Variants in DPP10 observed in about 807,000 individuals in gnomAD.
DPP10 encodes inactive dipeptidyl peptidase 10.
In DPP10, 33 loss-of-function variants were observed where a neutral mutation model predicts 120.9. The observed-to-expected ratio is 0.27, with a 90% CI of 0.21 to 0.37. DPP10 has a LOEUF of 0.37. Among genes scored for constraint, DPP10 ranks in the 10% least tolerant of loss-of-function variants. DPP10 has a pLI of 1.00. For synonymous variants in DPP10, 337 were observed against 326.1 expected (o/e 1.03, Z -0.36); for missense variants, 816 against 942.8 (o/e 0.87, Z 1.76).
intron 1 of DPP10, among the ~76,000 whole-genome samples, chr2:115,156,739 C>T (rs1377793138): frequency 6.6e-6 from 1 of 152,050 alleles, no homozygotes; most frequent in African/African-American, 2.4e-5. Flanking sequence ...CGAGAAATAC[C>T]AGATTCAAAG....
At position 115,441,817 on chromosome 2, in the gene DPP10, CTT is replaced by C. The variant is rs561102084; in HGVS notation, c.272-57675_272-57674del. 1.1e-3 allele frequency among the ~76,000 whole-genome samples: 133 copies of C among 124,452 alleles called. 1 individual carries two copies. Among genetic ancestry groups the C allele is most frequent in the African/African-American group, 3.3e-3 (104 of 31,620 alleles). The allele number at this position is 124,452 out of a possible 152,430, so 81.6% of individuals were successfully genotyped here. On this transcript the variant is annotated intron_variant, in intron 3 of 25. Transcript: ENST00000410059. ...AGACAAGTTTCTTTTTTCTTTCTTT[CTT>C]TTTTTTTTTTTTTTTTTGACAGAGT...
chr2:115,024,134 C>T (rs1307001006), intron 1 of DPP10, among the ~76,000 whole-genome samples: 3 of 151,988 alleles, frequency 2.0e-5, no homozygotes, highest in African/African-American at 7.2e-5. Flanking sequence ...CCAAACACCA[C>T]CTGTTCCCCA....
chr2:115,582,483 T>G (rs2149132316), intron 5 of DPP10, among the ~76,000 whole-genome samples: 1 of 152,282 alleles, frequency 6.6e-6, no homozygotes, highest in Admixed American at 6.5e-5. Context: ...TGCAACCAAT[T>G]ATTATTTTAG....
At chr2:114,512,842 T>C (rs1684258758) in intron 1 of DPP10, among the ~76,000 whole-genome samples, 1 of 152,186 alleles carries the variant, frequency 6.6e-6, no homozygotes, top group Non-Finnish European at 1.5e-5. Flanking sequence ...GGACTGCTTG[T>C]TGTCACGTTC....
chr2:115,459,991 CAGAAT>C (rs1225809425), intron 3 of DPP10, among the ~76,000 whole-genome samples: 5 of 145,852 alleles, frequency 3.4e-5, no homozygotes, highest in African/African-American at 1.2e-4. Context: ...GGCTATAAAA[CAGAAT>C]AGAATATGAA....
At chr2:115,806,656 C>T (rs1360975178) in intron 19 of DPP10, among the ~76,000 whole-genome samples, 3 of 152,156 alleles carry the variant, frequency 2.0e-5, no homozygotes, top group African/African-American at 4.8e-5. Flanking sequence ...CAACCCATTG[C>T]ACACATATGT....
At chr2:115,005,255 C>T (rs1701735345) in intron 1 of DPP10, among the ~76,000 whole-genome samples, 1 of 152,148 alleles carries the variant, frequency 6.6e-6, no homozygotes, top group Non-Finnish European at 1.5e-5. Context: ...GATAAAACCA[C>T]AAAGATGGGG....
intron 1 of DPP10, among the ~76,000 whole-genome samples, chr2:114,710,657 A>G (rs1197283504): frequency 6.6e-6 from 1 of 152,194 alleles, no homozygotes; most frequent in Non-Finnish European, 1.5e-5. Context: ...AGACAGGAGA[A>G]TCCCATGAAC....
At chr2:115,206,884 G>A (rs1019429618) in intron 1 of DPP10, among the ~76,000 whole-genome samples, 1 of 152,208 alleles carries the variant, frequency 6.6e-6, no homozygotes, top group Non-Finnish European at 1.5e-5. Flanking sequence ...CTTCAGCCAT[G>A]CTGAGGGTTC....
chr2:114,778,133 A>G (rs1408332227), intron 1 of DPP10, among the ~76,000 whole-genome samples: 2 of 152,130 alleles, frequency 1.3e-5, no homozygotes, highest in Admixed American at 6.6e-5. Context: ...AAATGTTATT[A>G]TAGGTATTAG....
At chr2:114,992,329 G>A (rs747780206) in intron 1 of DPP10, among the ~76,000 whole-genome samples, 1 of 152,152 alleles carries the variant, frequency 6.6e-6, no homozygotes, top group Non-Finnish European at 1.5e-5. Flanking sequence ...TAGTTCACAG[G>A]TTAGCCACCC....
chr2:115,574,963 T>A (rs977648708), intron 5 of DPP10, among the ~76,000 whole-genome samples: 2 of 152,162 alleles, frequency 1.3e-5, no homozygotes, highest in Non-Finnish European at 2.9e-5. Flanking sequence ...GAAAGCTCTG[T>A]AGAATAAGTG....
At chr2:114,859,435 T>C (rs943931410) in intron 1 of DPP10, among the ~76,000 whole-genome samples, 2 of 152,066 alleles carry the variant, frequency 1.3e-5, no homozygotes, top group Non-Finnish European at 2.9e-5. Context: ...TAAGTGTACA[T>C]GTGACCATAC....
chr2:115,629,390 C>T (rs2085650426), intron 5 of DPP10, among the ~76,000 whole-genome samples: 1 of 152,058 alleles, frequency 6.6e-6, no homozygotes, highest in South Asian at 2.1e-4. Flanking sequence ...GGAATTGCCA[C>T]ACTGACTTCC....
chr2:115,469,875 G>A (rs1347267499), intron 3 of DPP10, among the ~76,000 whole-genome samples: 2 of 132,264 alleles, frequency 1.5e-5, no homozygotes, highest in African/African-American at 2.8e-5. Flanking sequence ...TCCAGCCTGG[G>A]CAACAAGAGA....
chr2:114,659,613 T>C (rs1415267459), intron 1 of DPP10, among the ~76,000 whole-genome samples: 1 of 152,198 alleles, frequency 6.6e-6, no homozygotes, highest in East Asian at 1.9e-4. Context: ...AAATGTGCCC[T>C]TTATTAAAAA....
intron 5 of DPP10, among the ~76,000 whole-genome samples, chr2:115,656,162 A>G (rs1049612987): frequency 6.7e-6 from 1 of 149,814 alleles, no homozygotes; most frequent in African/African-American, 2.5e-5. Flanking sequence ...ACACACACAC[A>G]CACACACATT....
At chr2:114,735,912 C>G (rs868211577) in intron 1 of DPP10, among the ~76,000 whole-genome samples, 1 of 152,040 alleles carries the variant, frequency 6.6e-6, no homozygotes, top group Non-Finnish European at 1.5e-5. Context: ...AACTTCTCTA[C>G]ATCTACTTGT....
chr2:115,334,217 C>T (rs915038021), intron 2 of DPP10, among the ~76,000 whole-genome samples: 1 of 39,792 alleles, frequency 2.5e-5, no homozygotes, highest in Non-Finnish European at 6.7e-5. Context: ...AGGAATGGAC[C>T]AGAGCAGACT....
Sources: gnomAD v4.1 joint callset for allele counts (sites outside exome capture counted in the v4.1 genomes callset) on GRCh38, gnomAD v4.1.1 for gene constraint, MANE v1.5 for transcripts, NCBI Gene and HGNC (gene_info 2026-07-23, HGNC 2026-07-21) for gene names.